The following ZNF408 variants were observed in gnomAD, a reference collection of about 807,000 sequenced individuals.
ZNF408 encodes zinc finger protein 408.
A neutral mutation model predicts 27.6 loss-of-function variants in ZNF408; 24 were observed. The observed-to-expected ratio is 0.87, with a 90% CI of 0.63 to 1.22. The LOEUF (loss-of-function observed/expected upper bound fraction) is 1.22. Ranked by LOEUF, ZNF408 falls within the 50% of genes most tolerant of loss-of-function variation. The probability of loss-of-function intolerance (pLI) is 0.00; values close to 1 mark genes in which losing one functional copy is unlikely to be tolerated. For synonymous variants in ZNF408, 410 were observed against 396.1 expected (o/e 1.04, Z -0.42); for missense variants, 897 against 949.0 (o/e 0.95, Z 0.72).
chr11:46,701,606 T>C lies in ZNF408; in HGVS notation c.260T>C (p.Leu87Pro), dbSNP rs1276511095. 6 of 1,609,510 alleles carry C rather than the reference T, an allele frequency of 3.7e-6. No homozygotes were observed. The highest frequency in any genetic ancestry group is 5.1e-6 in the Non-Finnish European group (6 of 1,177,186). Reference protein sequence around the residue: ...CVGDPLQPGLLWGPLEEESAS... With the variant: ...CVGDPLQPGLPWGPLEEESAS... ...GGGGACCCCCTGCAGCCCGGCCTGC[T>C]GTGGGGGCCGCTGGAAGAGGAGTCT... Residue 87 changes from leucine (L) to proline (P), a missense_variant, in exon 2 of 5, where the codon CTG (leucine) becomes CCG (proline). By Grantham distance (98) the Leu-to-Pro change is moderately conservative (BLOSUM62 -3). Transcript: ENST00000311764.
Position 46,705,445 on chromosome 11 carries a change from C to A in ZNF408, c.1745C>A (p.Pro582His). Residue 582 changes from proline to histidine, a missense_variant, in exon 5 of 5, where the codon CCC (proline) becomes CAC (histidine). Transcript: ENST00000311764. This position sits in a 1 kb window ranked among gnomAD's most constrained non-coding sequence, Gnocchi z 6.5. Reference sequence around the variant, plus strand: ...TCCGGAGAGAGGCCCTTTCCCTGTCCCCAGTGTGGCCGTGCTTACACGCTG... The same window carrying A: ...TCCGGAGAGAGGCCCTTTCCCTGTCACCAGTGTGGCCGTGCTTACACGCTG... ...LHSGERPFPC[P>H]QCGRAYTLAT... 6.2e-7 allele frequency: 1 copy of A among 1,608,024 alleles called. No individual in the cohort carries two copies. Among genetic ancestry groups the A allele is most frequent in the Non-Finnish European group, 8.5e-7 (1 of 1,179,818 alleles).
At chr11:46,703,829 G>A (rs2064730420) in intron 4 of ZNF408, among the ~76,000 whole-genome samples, 3 of 143,974 alleles carry the variant, frequency 2.1e-5, no homozygotes, top group Admixed American at 7.2e-5. Flanking sequence ...GTGCAATGGC[G>A]TGGTCTCAGC....
At chr11:46,703,662 A>G (rs2064727229) in intron 4 of ZNF408, among the ~76,000 whole-genome samples, 1 of 150,634 alleles carries the variant, frequency 6.6e-6, no homozygotes, top group South Asian at 2.1e-4. Flanking sequence ...CCAGCCTCCC[A>G]TGTTTCTTCT....
At position 46,704,972 on chromosome 11, in the gene ZNF408, C is replaced by T; in HGVS notation, c.1272C>T (p.Leu424=). Residue 424 remains leucine, a synonymous_variant, in exon 5 of 5, where the codon CTC becomes CTT. Transcript: ENST00000311764. ...AGGCCTATGGCACCCAGCGAGACCTCAAAGAGCACCAGGTGGTACATTCAG... is the reference window on the plus strand; with the variant it reads ...AGGCCTATGGCACCCAGCGAGACCTTAAAGAGCACCAGGTGGTACATTCAG... ...CDKAYGTQRD[L]KEHQVVHSGA... 1 of 1,613,648 alleles carries T rather than the reference C, an allele frequency of 6.2e-7. No individual in the cohort carries two copies.
chr11:46,705,894 A>G lies in ZNF408; in HGVS notation c.*31A>G. On this transcript the variant is annotated 3_prime_UTR_variant, in exon 5 of 5. Coordinates refer to ENST00000311764, the MANE Select transcript of ZNF408 (RefSeq NM_024741.3). The surrounding 1 kb of genome is among the most constrained non-coding windows in gnomAD (Gnocchi z 6.5). The stretch of plus-strand genomic sequence containing the variant: ...TTGCCTTTTGCTGACACAGCTCCAT[A>G]AAGACTCGTGCTTTCTCACTGCTGC... 1 of 1,590,688 alleles carries G rather than the reference A, an allele frequency of 6.3e-7. No homozygotes were observed. Among genetic ancestry groups the G allele is most frequent in the Non-Finnish European group, 8.6e-7 (1 of 1,168,664 alleles).
At chr11:46,703,770 G>GTTTTT (rs1480616553) in intron 4 of ZNF408, among the ~76,000 whole-genome samples, 1 of 93,836 alleles carries the variant, frequency 1.1e-5, no homozygotes, top group Non-Finnish European at 1.9e-5. Flanking sequence ...TGTTGTTGTT[G>GTTTTT]TTTTTTTTTT....
At position 46,701,575 on chromosome 11, in the gene ZNF408, T is replaced by C; in HGVS notation, c.229T>C (p.Cys77Arg). ...CAAGGAACAGCGCTTGGGGGTCTGG[T>C]GTGTCGGGGACCCCCTGCAGCCCGG... is the stretch of plus-strand genomic sequence containing the variant. ...LAKEQRLGVWCVGDPLQPGLL... is the reference protein window; with the variant it reads ...LAKEQRLGVWRVGDPLQPGLL... Residue 77 changes from cysteine to arginine, a missense_variant, in exon 2 of 5, where the codon TGT (cysteine) becomes CGT (arginine). Physicochemically the swap from Cys to Arg is radical, Grantham distance 180 (BLOSUM62 -3). Coordinates refer to ENST00000311764, the MANE Select transcript of ZNF408 (RefSeq NM_024741.3). 1 of 1,613,018 alleles carries C rather than the reference T, an allele frequency of 6.2e-7. No individual in the cohort carries two copies. The highest frequency in any genetic ancestry group is 8.5e-7 in the Non-Finnish European group (1 of 1,179,868).
At position 46,702,967 on chromosome 11, in the gene ZNF408, G is replaced by C. The variant is rs2064720930; in HGVS notation, c.393-17G>C. On this transcript the variant is annotated splice_polypyrimidine_tract_variant and intron_variant, in intron 3 of 4. Coordinates refer to ENST00000311764, the MANE Select transcript of ZNF408 (RefSeq NM_024741.3). ...AATAGTGAGCATCTCCTAGCTGGCT[G>C]TTACTTTGCTTTGCAGCTTGGTACA... 6.2e-7 allele frequency: 1 copy of C among 1,613,184 alleles called. No individual in the cohort carries two copies. Among genetic ancestry groups the C allele is most frequent in the South Asian group, 1.1e-5 (1 of 91,052 alleles).
intron 4 of ZNF408, 103 bp downstream of exon 4, chr11:46,703,346 C>A: frequency 7.2e-7 from 1 of 1,389,414 alleles, no homozygotes; most frequent in Non-Finnish European, 9.6e-7. Flanking sequence ...AGGAAGGACA[C>A]TATAGAGTCT....
In ZNF408 at chr11:46,704,677, G is replaced by A. The variant is rs778823668; in HGVS notation, c.977G>A (p.Gly326Glu). Reference protein sequence around the residue: ...CPPRAKTPEPGAQQSGFPTLS... With the variant: ...CPPRAKTPEPEAQQSGFPTLS... ...CCCAGAGCAAAGACCCCAGAGCCTG[G>A]AGCCCAGCAGTCTGGCTTCCCTACA... Residue 326 changes from glycine (G) to glutamate (E), a missense_variant, in exon 5 of 5, where the codon GGA (glycine) becomes GAA (glutamate). Physicochemically the swap from Gly to Glu is moderately conservative, Grantham distance 98. Coordinates refer to ENST00000311764, the MANE Select transcript of ZNF408 (RefSeq NM_024741.3). 2.5e-6 allele frequency: 4 copies of A among 1,613,064 alleles called. No individual in the cohort carries two copies. Among genetic ancestry groups the A allele is most frequent in the East Asian group, 2.2e-5 (1 of 44,864 alleles).
chr11:46,701,757 G>C, intron 2 of ZNF408, 81 bp downstream of exon 2: 2 of 1,421,398 alleles, frequency 1.4e-6, no homozygotes, highest in Non-Finnish European at 1.9e-6. Context: ...TTTTCAATTT[G>C]AAGAAAGAGA....
In ZNF408 at chr11:46,701,475, C is replaced by G; in HGVS notation, c.129C>G (p.Val43=). The G allele has an allele frequency of 1.2e-6, 2 of 1,614,042 alleles. No individual in the cohort carries two copies. The highest frequency in any genetic ancestry group is 1.7e-6 in the Non-Finnish European group (2 of 1,180,024). ...GEGCTQGLKD[V]PPEPTRDILA... ...GCTGTACGCAGGGCCTCAAAGACGT[C>G]CCACCCGAGCCGACCCGAGACATCC... Residue 43 remains valine, a synonymous_variant, in exon 2 of 5, where the codon GTC becomes GTG. Transcript: ENST00000311764.
rs957516023 is a variant in ZNF408 at position 46,705,686 on chromosome 11, CAGAG to C, written c.1989_1992del (p.Glu664ArgfsTer36). 2 of 1,613,872 alleles carry C rather than the reference CAGAG, an allele frequency of 1.2e-6. No homozygotes were observed. The highest frequency in any genetic ancestry group is 1.7e-6 in the Non-Finnish European group (2 of 1,179,964). ...CTGAGCCACAACTGCTGGACACACA[CAGAG>C]AGGAGGAAGTCTCCCCCGCCAGGGA... is the stretch of plus-strand genomic sequence containing the variant. On this transcript the variant is annotated frameshift_variant, in exon 5 of 5. Coordinates refer to ENST00000311764, the MANE Select transcript of ZNF408 (RefSeq NM_024741.3). LOFTEE classifies it low-confidence loss of function (END_TRUNC). This position sits in a 1 kb window ranked among gnomAD's most constrained non-coding sequence, Gnocchi z 6.5.
Position 46,703,229 on chromosome 11 carries a change from C to T in ZNF408, c.638C>T (p.Ala213Val), listed in dbSNP as rs771510716. 7 of 1,613,078 alleles carry T rather than the reference C, an allele frequency of 4.3e-6. No individual in the cohort carries two copies. The highest frequency in any genetic ancestry group is 3.3e-4 in the Middle Eastern group (2 of 6,052). Residue 213 changes from alanine (A) to valine (V), a missense_variant, in exon 4 of 5, where the codon GCA becomes GTA. Physicochemically the swap from Ala to Val is moderately conservative, Grantham distance 64. Coordinates refer to ENST00000311764, the MANE Select transcript of ZNF408 (RefSeq NM_024741.3). ...GTGGCCTCCCCTGGGGAGGATGCAG[C>T]AGAACCTTGCATAGGTATGTGTCAA... The part of the protein sequence containing the change: ...QEVASPGEDA[A>V]EPCIDPGSQS...
chr11:46,704,252 C>T (rs1464481199), intron 4 of ZNF408, 101 bp from the exon 5 acceptor site: 10 of 1,285,752 alleles, frequency 7.8e-6, no homozygotes, highest in Non-Finnish European at 1.1e-5. Context: ...CCCTCTAAGG[C>T]TCAGGGGCTG....
Position 46,705,449 on chromosome 11 carries a change from G to C in ZNF408, c.1749G>C (p.Gln583His). ...HSGERPFPCP[Q>H]CGRAYTLATK... ...GAGAGAGGCCCTTTCCCTGTCCCCAGTGTGGCCGTGCTTACACGCTGGCCA... is the reference window on the plus strand; with the variant it reads ...GAGAGAGGCCCTTTCCCTGTCCCCACTGTGGCCGTGCTTACACGCTGGCCA... The change falls in exon 5 of 5, where the codon CAG becomes CAC. Residue 583 changes from glutamine to histidine, a missense_variant. Transcript: ENST00000311764. This position sits in a 1 kb window ranked among gnomAD's most constrained non-coding sequence, Gnocchi z 6.5. The C allele has an allele frequency of 6.2e-7, 1 of 1,607,572 alleles. No individual in the cohort carries two copies. Among genetic ancestry groups the C allele is most frequent in the Non-Finnish European group, 8.5e-7 (1 of 1,179,780 alleles).
In ZNF408 at chr11:46,702,780, A is replaced by G; in HGVS notation, c.392+15A>G. On this transcript the variant is annotated intron_variant, in intron 3 of 4. Coordinates refer to ENST00000311764, the MANE Select transcript of ZNF408 (RefSeq NM_024741.3). Reference sequence around the variant, plus strand: ...GGCTGGACTAGGTAAGTCAGAGGAGAGTGTGTCGTTCCTTTGAGGTTTTCT... The same window carrying G: ...GGCTGGACTAGGTAAGTCAGAGGAGGGTGTGTCGTTCCTTTGAGGTTTTCT... The G allele has an allele frequency of 6.2e-7, 1 of 1,613,652 alleles. No homozygotes were observed. Among genetic ancestry groups the G allele is most frequent in the South Asian group, 1.1e-5 (1 of 91,072 alleles).
chr11:46,705,542 G>A lies in ZNF408; in HGVS notation c.1842G>A (p.Met614Ile), dbSNP rs1335552544. The change falls in exon 5 of 5, where the codon ATG (methionine) becomes ATA (isoleucine). Residue 614 changes from methionine (M) to isoleucine (I), a missense_variant. By Grantham distance (10) the Met-to-Ile change is conservative. Transcript: ENST00000311764. This position sits in a 1 kb window ranked among gnomAD's most constrained non-coding sequence, Gnocchi z 6.5. ...DKPYRCPTCG[M>I]GYTLPQSLRR... ...CCTACCGCTGCCCCACCTGTGGCAT[G>A]GGCTACACCCTCCCGCAGAGCCTCA... 6 of 1,605,012 alleles carry A rather than the reference G, an allele frequency of 3.7e-6. No homozygotes were observed. In the Admixed American group the frequency reaches 5.0e-5, roughly 13 times the overall value.
Position 46,704,365 on chromosome 11 carries a change from A to T in ZNF408, c.665A>T (p.Gln222Leu). 6.3e-7 allele frequency: 1 copy of T among 1,591,926 alleles called. No homozygotes were observed. The highest frequency in any genetic ancestry group is 8.6e-7 in the Non-Finnish European group (1 of 1,167,474). ...AAEPCIDPGS[Q>L]SPSGIQAENM... ...CCTTGCCTTGCAGATCCTGGTTCCCAGTCACCCTCTGGCATCCAGGCAGAG... is the reference window on the plus strand; with the variant it reads ...CCTTGCCTTGCAGATCCTGGTTCCCTGTCACCCTCTGGCATCCAGGCAGAG... Residue 222 changes from glutamine to leucine, a missense_variant, in exon 5 of 5, where the codon CAG becomes CTG. Physicochemically the swap from Gln to Leu is moderately radical, Grantham distance 113. Transcript: ENST00000311764.
Sources: allele counts gnomAD v4.1 joint callset (sites outside exome capture counted in the v4.1 genomes callset), GRCh38; gene constraint gnomAD v4.1.1; non-coding constraint Gnocchi (gnomAD v3.1); transcripts MANE v1.5; gene names NCBI Gene and HGNC (gene_info 2026-07-23, HGNC 2026-07-21).